SLC36A4: variants seen among roughly 807,000 people sequenced by gnomAD.
SLC36A4 encodes the protein neutral amino acid uniporter 4.
SLC36A4 carries 49 observed loss-of-function variants against 50.5 expected under a neutral mutation model. The observed-to-expected ratio is 0.97, with a 90% confidence interval of 0.77 to 1.23. The LOEUF is 1.23. SLC36A4 is among the 50% of genes most tolerant of loss of function. The pLI, the probability that SLC36A4 is intolerant of heterozygous loss-of-function variation, is 0.00. For missense variants in SLC36A4, 611 were observed against 608.4 expected (o/e 1.00, Z -0.05); for synonymous variants, 207 against 206.5 (o/e 1.00, Z -0.02).
intron 5 of SLC36A4, 28 bp from the exon 6 acceptor site, chr11:93,180,909 T>A (rs762803062): frequency 7.1e-7 from 1 of 1,413,028 alleles, no homozygotes; most frequent in Non-Finnish European, 1.0e-6. Flanking sequence ...CAAATGAGTA[T>A]CCAGGAGAGC....
At chr11:93,162,310 AT>A (rs1158403364) in intron 9 of SLC36A4, among the ~76,000 whole-genome samples, 2 of 149,726 alleles carry the variant, frequency 1.3e-5, no homozygotes, top group African/African-American at 2.4e-5. Context: ...AATCACAGTA[AT>A]TTTTTTTTTG....
chr11:93,189,085 A>AGAGTTTTGCTCTTGTTGACCAGGCTG, intron 1 of SLC36A4, among the ~76,000 whole-genome samples: 1 of 150,480 alleles, frequency 6.6e-6, no homozygotes, highest in East Asian at 1.9e-4. Context: ...TTTTTAGACA[A>AGAGTTTTGCTCTTGTTGACCAGGCTG]GAGTTTTGCT....
intron 10 of SLC36A4, among the ~76,000 whole-genome samples, chr11:93,153,113 G>A (rs1383990205): frequency 2.6e-5 from 4 of 151,966 alleles, no homozygotes; most frequent in Non-Finnish European, 4.4e-5. Flanking sequence ...ATCTAGGCAT[G>A]AGCTCCATGG....
intron 6 of SLC36A4, chr11:93,180,156 G>T: frequency 1.0e-6 from 1 of 977,424 alleles, no homozygotes; most frequent in East Asian, 1.1e-4. Flanking sequence ...GAAGAGCAGG[G>T]GATAATGTAG....
intron 3 of SLC36A4, among the ~76,000 whole-genome samples, chr11:93,183,100 TTAACA>T (rs1329218531): frequency 6.6e-6 from 1 of 152,176 alleles, no homozygotes; most frequent in African/African-American, 2.4e-5. Context: ...TTCCATCTTA[TTAACA>T]TAGCTACTCA....
At chr11:93,149,877 G>A (rs1860000039) in intron 10 of SLC36A4, among the ~76,000 whole-genome samples, 1 of 151,966 alleles carries the variant, frequency 6.6e-6, no homozygotes, top group Non-Finnish European at 1.5e-5. Flanking sequence ...TGTGATTATG[G>A]AAGCTGTGAA....
intron 7 of SLC36A4, 126 bp downstream of exon 7, chr11:93,167,818 G>C (rs1664028708): frequency 6.4e-6 from 4 of 625,420 alleles, no homozygotes; most frequent in Non-Finnish European, 1.1e-5. Context: ...AACATTTACT[G>C]ATTGCACACT....
At chr11:93,177,470 C>T (rs1861532014) in intron 6 of SLC36A4, among the ~76,000 whole-genome samples, 1 of 152,214 alleles carries the variant, frequency 6.6e-6, no homozygotes, top group African/African-American at 2.4e-5. Flanking sequence ...CAAAGTCATT[C>T]TCTGTCCAGC....
intron 1 of SLC36A4, among the ~76,000 whole-genome samples, chr11:93,187,996 T>A (rs1862062353): frequency 6.6e-6 from 1 of 152,208 alleles, no homozygotes; most frequent in East Asian, 1.9e-4. Context: ...TAAATTAGAC[T>A]TTCTCTTTCT....
At chr11:93,183,313 G>A (rs1395068365) in intron 3 of SLC36A4, among the ~76,000 whole-genome samples, 1 of 151,816 alleles carries the variant, frequency 6.6e-6, no homozygotes, top group East Asian at 1.9e-4. Flanking sequence ...CTGCTTCTTG[G>A]GTACTTACTA....
intron 9 of SLC36A4, among the ~76,000 whole-genome samples, chr11:93,156,179 C>T (rs1317095573): frequency 6.6e-6 from 1 of 152,112 alleles, no homozygotes; most frequent in Non-Finnish European, 1.5e-5. Flanking sequence ...CTTGAACTAA[C>T]TTATACTCCC....
intron 6 of SLC36A4, chr11:93,179,918 C>T (rs1590972338): frequency 9.5e-6 from 2 of 210,854 alleles, no homozygotes; most frequent in African/African-American, 2.4e-5. Flanking sequence ...TCTACAGAAA[C>T]AGTTTGCCAA....
intron 3 of SLC36A4, 27 bp from the exon 4 acceptor site, chr11:93,182,921 T>A: frequency 6.7e-7 from 1 of 1,492,464 alleles, no homozygotes; most frequent in Non-Finnish European, 9.2e-7. Flanking sequence ...TTTATAAGGT[T>A]TAAATATTTA....
chr11:93,180,954 A>C (rs1861706536), intron 5 of SLC36A4, 73 bp from the exon 6 acceptor site: 3 of 1,069,934 alleles, frequency 2.8e-6, no homozygotes, highest in Non-Finnish European at 4.3e-6. Flanking sequence ...TTCTCTTTTC[A>C]AGAGTTTTAA....
chr11:93,194,559 T>A (rs1459268848), intron 1 of SLC36A4, among the ~76,000 whole-genome samples: 2 of 152,208 alleles, frequency 1.3e-5, no homozygotes, highest in Non-Finnish European at 2.9e-5. Context: ...GCTTTTTACA[T>A]AAATACCCAT....
intron 8 of SLC36A4, among the ~76,000 whole-genome samples, chr11:93,163,420 A>G (rs1467688690): frequency 6.6e-6 from 1 of 152,096 alleles, no homozygotes; most frequent in Non-Finnish European, 1.5e-5. Context: ...GTTGTTCATT[A>G]TCTTGCCAGT....
chr11:93,175,239 G>A (rs1167177696), intron 6 of SLC36A4, among the ~76,000 whole-genome samples: 1 of 151,804 alleles, frequency 6.6e-6, no homozygotes, highest in Non-Finnish European at 1.5e-5. Flanking sequence ...TTGCGTAGAG[G>A]TGTTTGTAGT....
In SLC36A4 at chr11:93,154,340, T is replaced by G. The variant is rs893401866; in HGVS notation, c.1038-63A>C. 26 of 770,806 alleles carry G rather than the reference T, an allele frequency of 3.4e-5. 1 individual carries two copies. The highest frequency in any genetic ancestry group is 4.8e-5 in the Non-Finnish European group (26 of 539,036). 47.7% of individuals were successfully genotyped at this position (770,806 alleles called of 1,614,324 possible). ...TGTGAATTTAGTTTTCCTCCTTTATTTTTAATATTAAGATAAATAAGAAAT... is the reference window on the plus strand; with the variant it reads ...TGTGAATTTAGTTTTCCTCCTTTATGTTTAATATTAAGATAAATAAGAAAT... On this transcript the variant is annotated intron_variant, in intron 9 of 10. Coordinates refer to ENST00000326402, the MANE Select transcript of SLC36A4 (RefSeq NM_152313.4).
At chr11:93,178,854 G>A (rs1861610178) in intron 6 of SLC36A4, among the ~76,000 whole-genome samples, 1 of 152,134 alleles carries the variant, frequency 6.6e-6, no homozygotes, top group South Asian at 2.1e-4. Flanking sequence ...AGAGCAATCA[G>A]ACAAGAGAAA....
Sources: gnomAD v4.1 joint callset for allele counts (sites outside exome capture counted in the v4.1 genomes callset) on GRCh38, gnomAD v4.1.1 for gene constraint, MANE v1.5 for transcripts, NCBI Gene and HGNC (gene_info 2026-07-23, HGNC 2026-07-21) for gene names.